The following ZBTB21 variants were observed in gnomAD, a reference collection of about 807,000 sequenced individuals.
The protein encoded by ZBTB21 is zinc finger and BTB domain containing 21, also known as zinc finger and BTB domain-containing protein 21.
A neutral mutation model predicts 39.8 loss-of-function variants in ZBTB21; 10 were observed. The observed-to-expected ratio is 0.25, with a 90% CI of 0.16 to 0.43. ZBTB21 has a LOEUF of 0.43. Among genes scored for constraint, ZBTB21 ranks in the 20% least tolerant of loss-of-function variants. The pLI, the probability that ZBTB21 is intolerant of heterozygous loss-of-function variation, is 1.00. For synonymous variants in ZBTB21, 551 were observed against 498.8 expected, an observed-to-expected ratio of 1.10 and a Z score of -1.40; for missense variants, 1,221 against 1,296.3, an observed-to-expected ratio of 0.94 and a Z score of 0.89.
At chr21:42,005,573 G>A (rs1359582275) in intron 1 of ZBTB21, among the ~76,000 whole-genome samples, 1 of 152,130 alleles carries the variant, frequency 6.6e-6, no homozygotes, top group East Asian at 1.9e-4. Flanking sequence ...AAGCCAGACA[G>A]TTTCTGTTCT....
chr21:42,007,695 C>T (rs1382415991), intron 1 of ZBTB21: 1 of 152,234 alleles, frequency 6.6e-6, no homozygotes, highest in Non-Finnish European at 1.5e-5. Context: ...CCAAGGGACT[C>T]CCTAAAGAAA....
Position 41,990,974 on chromosome 21 carries a change from C to A in ZBTB21, c.3122G>T (p.Arg1041Ile). ...APPLSAITFK[R>I]QFMCKLCHRT... ...GTGGCAAAGTTTACACATAAACTGT[C>A]TTTTAAATGTGATTGCTGAAAGGGG... Residue 1041 changes from arginine to isoleucine, a missense_variant, in exon 3 of 3, where the codon AGA (arginine) becomes ATA (isoleucine). Coordinates refer to ENST00000310826, the MANE Select transcript of ZBTB21 (RefSeq NM_001098402.2). The A allele has an allele frequency of 6.5e-7, 1 of 1,531,662 alleles. No homozygotes were observed. The highest frequency in any genetic ancestry group is 1.3e-5 in the South Asian group (1 of 76,562). The allele number at this position is 1,531,662 out of a possible 1,614,324, so 94.9% of individuals were successfully genotyped here.
At chr21:42,006,494 G>C (rs2065880606) in intron 1 of ZBTB21, among the ~76,000 whole-genome samples, 1 of 151,482 alleles carries the variant, frequency 6.6e-6, no homozygotes, top group Non-Finnish European at 1.5e-5. Flanking sequence ...TTCTGCTCCA[G>C]ATACTCTGTC....
chr21:42,009,242 C>CG (rs1382984263), intron 1 of ZBTB21: 1 of 152,206 alleles, frequency 6.6e-6, no homozygotes, highest in African/African-American at 2.4e-5. Flanking sequence ...CGCGCTCTTG[C>CG]GGAATTCTCC....
At chr21:41,997,479 A>T (rs895069295) in intron 2 of ZBTB21, among the ~76,000 whole-genome samples, 3 of 151,884 alleles carry the variant, frequency 2.0e-5, no homozygotes, top group African/African-American at 7.3e-5. Flanking sequence ...AGGAGGCTGA[A>T]GCATGACAAT....
chr21:42,005,241 TAGA>T (rs2065865393), intron 1 of ZBTB21, among the ~76,000 whole-genome samples: 1 of 152,214 alleles, frequency 6.6e-6, no homozygotes, highest in South Asian at 2.1e-4. Flanking sequence ...GATTTTGCTA[TAGA>T]AGAACTGCTC....
At position 41,991,620 on chromosome 21, in the gene ZBTB21, G is replaced by A; in HGVS notation, c.2476C>T (p.Pro826Ser). ...HNGDVTGSSR[P>S]QSQPEPNKVN... ...TTGTTGGGCTCAGGCTGGGATTGGG[G>A]CCTTGAAGAACCAGTCACATCACCA... The change falls in exon 3 of 3, where the codon CCC becomes TCC. Residue 826 changes from proline to serine, a missense_variant. Transcript: ENST00000310826. The surrounding 1 kb of genome is among the most constrained non-coding windows in gnomAD (Gnocchi z 4.9). 1 of 1,614,154 alleles carries A rather than the reference G, an allele frequency of 6.2e-7. No homozygotes were observed. The highest frequency in any genetic ancestry group is 8.5e-7 in the Non-Finnish European group (1 of 1,180,024).
At position 42,010,293 on chromosome 21, in the gene ZBTB21, C is replaced by G; in HGVS notation, c.-120G>C. 1 of 398,640 alleles carries G rather than the reference C, an allele frequency of 2.5e-6. No individual in the cohort carries two copies. Among genetic ancestry groups the G allele is most frequent in the Non-Finnish European group, 4.4e-6 (1 of 226,104 alleles). The allele number at this position is 398,640 out of a possible 1,614,324, so 24.7% of individuals were successfully genotyped here. ...GGCAGACGCCGGGCCCCTTTCCGCTCACACTCGGCTCGCGCGCGCCGCAGC... is the reference window on the plus strand; with the variant it reads ...GGCAGACGCCGGGCCCCTTTCCGCTGACACTCGGCTCGCGCGCGCCGCAGC... On this transcript the variant is annotated 5_prime_UTR_variant, in exon 1 of 3. An upstream open reading frame in the 5' UTR loses its in-frame stop. Coordinates refer to ENST00000310826, the MANE Select transcript of ZBTB21 (RefSeq NM_001098402.2).
rs377240752 is a variant in ZBTB21 at position 41,991,852 on chromosome 21, G to A, written c.2244C>T (p.Ala748=). Residue 748 remains alanine (A), a synonymous_variant, in exon 3 of 3, where the codon GCC becomes GCT. Coordinates refer to ENST00000310826, the MANE Select transcript of ZBTB21 (RefSeq NM_001098402.2). The surrounding 1 kb of genome is among the most constrained non-coding windows in gnomAD (Gnocchi z 4.9). ...ACCTGAGGCTGCAGTAAGGGCAGAC[G>A]GCCGCGTTCCGGCACAGCCGCTCGT... ...GSHERLCRNA[A]VCPYCSLRFF... 5.3e-5 allele frequency: 86 copies of A among 1,614,082 alleles called. No individual in the cohort carries two copies. In the Middle Eastern group the frequency reaches 9.9e-4, roughly 19 times the overall value.
rs755416833 is a variant in ZBTB21 at position 41,993,441 on chromosome 21, A to C, written c.655T>G (p.Ser219Ala). The change falls in exon 3 of 3, where the codon TCT becomes GCT. Residue 219 changes from serine to alanine, a missense_variant. Ser to Ala is a moderately conservative substitution (Grantham distance 99, BLOSUM62 1). Transcript: ENST00000310826. ...TCCAAAGATCCAGAATGCTCAAGAG[A>C]CTTTGCATATACCACAGAACTATCT... ...PKDSSVVYAKSLEHSGSLDDP... is the reference protein window; with the variant it reads ...PKDSSVVYAKALEHSGSLDDP... The C allele has an allele frequency of 5.6e-6, 9 of 1,614,196 alleles. No homozygotes were observed. The highest frequency in any genetic ancestry group is 7.6e-6 in the Non-Finnish European group (9 of 1,180,032).
chr21:41,997,598 C>CA (rs1191437995), intron 2 of ZBTB21, among the ~76,000 whole-genome samples: 3 of 135,958 alleles, frequency 2.2e-5, no homozygotes, highest in Non-Finnish European at 4.9e-5. Flanking sequence ...AACAAAAAAA[C>CA]AAAAAAACAA....
chr21:41,992,887 T>C lies in ZBTB21; in HGVS notation c.1209A>G (p.Gln403=). 3 of 1,614,172 alleles carry C rather than the reference T, an allele frequency of 1.9e-6. No homozygotes were observed. Among genetic ancestry groups the C allele is most frequent in the Non-Finnish European group, 2.5e-6 (3 of 1,180,028 alleles). Residue 403 remains glutamine (Q), a synonymous_variant, in exon 3 of 3, where the codon CAA becomes CAG. Transcript: ENST00000310826. The surrounding 1 kb of genome is among the most constrained non-coding windows in gnomAD (Gnocchi z 4.1). ...TALDDRPQVL[Q]PHRLRSFSAS... is the part of the protein sequence containing the mutation. ...CACTAAAGGACCTGAGGCGATGCGG[T>C]TGTAGCACTTGAGGCCTGTCATCTA...
Position 41,993,701 on chromosome 21 carries a change from C to G in ZBTB21, c.395G>C (p.Arg132Thr). The stretch of plus-strand genomic sequence containing the variant: ...ATCATCTTCTACAAACACTTTTTTT[C>G]TATTAGGACACGTTGGAAAGGGGGC... The part of the protein sequence containing the change: ...PQAPFPTCPN[R>T]KKVFVEDDEN... The change falls in exon 3 of 3, where the codon AGA (arginine) becomes ACA (threonine). Residue 132 changes from arginine to threonine, a missense_variant. Arg to Thr is a moderately conservative substitution (Grantham distance 71). Transcript: ENST00000310826. 1 of 1,613,614 alleles carries G rather than the reference C, an allele frequency of 6.2e-7. No individual in the cohort carries two copies. The highest frequency in any genetic ancestry group is 8.5e-7 in the Non-Finnish European group (1 of 1,179,854).
chr21:41,987,054 C>A lies in ZBTB21; in HGVS notation c.*3841G>T, dbSNP rs1275993529. 1 of 152,516 alleles carries A rather than the reference C, an allele frequency of 6.6e-6. No homozygotes were observed. Among genetic ancestry groups the A allele is most frequent in the Admixed American group, 6.5e-5 (1 of 15,274 alleles). The allele number at this position is 152,516 out of a possible 1,614,324, so 9.4% of individuals were successfully genotyped here. On this transcript the variant is annotated 3_prime_UTR_variant, in exon 3 of 3. Coordinates refer to ENST00000310826, the MANE Select transcript of ZBTB21 (RefSeq NM_001098402.2). ...GACAAAATACACAGAATTATAAAAC[C>A]ATTCGTTTTTCTTTTAACCATAAGC...
chr21:42,008,074 G>A (rs1439508549), intron 1 of ZBTB21: 2 of 152,112 alleles, frequency 1.3e-5, no homozygotes, highest in African/African-American at 4.8e-5. Context: ...ACATATTCCC[G>A]ATTTACTTTG....
At chr21:42,010,069 G>C (rs1312075475) in intron 1 of ZBTB21, among the ~76,000 whole-genome samples, 183 bp downstream of exon 1, 2 of 152,250 alleles carry the variant, frequency 1.3e-5, no homozygotes, top group East Asian at 3.9e-4. Context: ...GGACATGCTC[G>C]GTGAGCGCCC....
Position 41,993,689 on chromosome 21 carries a change from AAC to A in ZBTB21, c.405_406del (p.Phe136CysfsTer4). ...AGAACTGTTTTCATCATCTTCTACAAACACTTTTTTTCTATTAGGACACGTTG... is the reference window on the plus strand; with the variant it reads ...AGAACTGTTTTCATCATCTTCTACAAACTTTTTTTCTATTAGGACACGTTG... On this transcript the variant is annotated frameshift_variant, in exon 3 of 3. Coordinates refer to ENST00000310826, the MANE Select transcript of ZBTB21 (RefSeq NM_001098402.2). LOFTEE classifies it low-confidence loss of function (END_TRUNC). 1 of 1,614,116 alleles carries A rather than the reference AAC, an allele frequency of 6.2e-7. No individual in the cohort carries two copies. The highest frequency in any genetic ancestry group is 8.5e-7 in the Non-Finnish European group (1 of 1,180,026).
intron 2 of ZBTB21, among the ~76,000 whole-genome samples, chr21:41,998,630 G>A (rs1460675945): frequency 2.0e-5 from 3 of 152,080 alleles, no homozygotes; most frequent in African/African-American, 7.2e-5. Flanking sequence ...AACCAAACTT[G>A]ACCCCAGCTC....
In ZBTB21 at chr21:41,992,895, C is replaced by A. The variant is rs2065686807; in HGVS notation, c.1201G>T (p.Val401Leu). The A allele has an allele frequency of 1.9e-6, 3 of 1,614,214 alleles. No individual in the cohort carries two copies. The highest frequency in any genetic ancestry group is 1.7e-6 in the Non-Finnish European group (2 of 1,180,040). The change falls in exon 3 of 3, where the codon GTG (valine) becomes TTG (leucine). Residue 401 changes from valine to leucine, a missense_variant. Physicochemically the swap from Val to Leu is conservative, Grantham distance 32. Coordinates refer to ENST00000310826, the MANE Select transcript of ZBTB21 (RefSeq NM_001098402.2). This position sits in a 1 kb window ranked among gnomAD's most constrained non-coding sequence, Gnocchi z 4.1. ...EKTALDDRPQ[V>L]LQPHRLRSFS... ...GACCTGAGGCGATGCGGTTGTAGCA[C>A]TTGAGGCCTGTCATCTAGGGCTGTT...
Sources: gnomAD v4.1 joint callset for allele counts (sites outside exome capture counted in the v4.1 genomes callset) on GRCh38, gnomAD v4.1.1 for gene constraint, Gnocchi (gnomAD v3.1) non-coding constraint, MANE v1.5 for transcripts, NCBI Gene and HGNC (gene_info 2026-07-23, HGNC 2026-07-21) for gene names.